NFE2L3: variants seen among roughly 807,000 people sequenced by gnomAD.
NFE2L3 encodes nuclear factor erythroid 2-related factor 3.
In NFE2L3, 18 loss-of-function variants were observed where a neutral mutation model predicts 23.5. That is an observed-to-expected ratio of 0.77 (90% confidence interval 0.53 to 1.13). The LOEUF is 1.13. Among genes scored for constraint, NFE2L3 ranks in the 50% most tolerant of loss-of-function variants. The pLI, the probability that NFE2L3 is intolerant of heterozygous loss-of-function variation, is 0.00. For missense variants in NFE2L3, 1,152 were observed against 877.2 expected (o/e 1.31, Z -3.96); for synonymous variants, 424 against 354.5 (o/e 1.20, Z -2.20).
At position 26,183,732 on chromosome 7, in the gene NFE2L3, CTCTGGAAGACTTATTCCAG is replaced by C; in HGVS notation, c.784_802del (p.Leu262CysfsTer28). 1 of 1,612,336 alleles carries C rather than the reference CTCTGGAAGACTTATTCCAG, an allele frequency of 6.2e-7. No individual in the cohort carries two copies. Among genetic ancestry groups the C allele is most frequent in the South Asian group, 1.1e-5 (1 of 91,056 alleles). On this transcript the variant is annotated frameshift_variant, in exon 3 of 4. Coordinates refer to ENST00000056233, the MANE Select transcript of NFE2L3 (RefSeq NM_004289.7). LOFTEE classifies it high-confidence loss of function. ...CTGAATGGGACAGATACTTCTTTCT[CTCTGGAAGACTTATTCCAG>C]TTGCTTTCATCACAGCCTGAAAATT... is the stretch of plus-strand genomic sequence containing the variant.
rs1334952410 is a variant in NFE2L3, at chr7:26,176,516, C to T, written c.571-1427C>T. Among the ~76,000 whole-genome samples the T allele has an allele frequency of 1.1e-4, 13 of 117,052 alleles. 1 individual carries two copies. The highest frequency in any genetic ancestry group is 1.8e-4 in the African/African-American group (5 of 27,442). The allele number at this position is 117,052 out of a possible 152,430, so 76.8% of individuals were successfully genotyped here. On this transcript the variant is annotated intron_variant, in intron 1 of 3. Transcript: ENST00000056233. The stretch of plus-strand genomic sequence containing the variant: ...CCTCACATCCCAGACGATGGGCAGC[C>T]GGGCAGAGGCGCTCCTCACATCCCA...
chr7:26,154,322 C>T (rs903683077), intron 1 of NFE2L3, among the ~76,000 whole-genome samples: 2 of 152,204 alleles, frequency 1.3e-5, no homozygotes, highest in African/African-American at 4.8e-5. Flanking sequence ...GCTCTGCCCT[C>T]TAATAAGTGA....
chr7:26,186,008 T>C lies in NFE2L3; in HGVS notation c.*225T>C, dbSNP rs1285245141. On this transcript the variant is annotated 3_prime_UTR_variant, in exon 4 of 4. Coordinates refer to ENST00000056233, the MANE Select transcript of NFE2L3 (RefSeq NM_004289.7). ...CCACAACTTTTCATGAAGTGCATTG[T>C]ATACAAAATTCATAGTTATGTCCAA... The C allele has an allele frequency of 4.9e-6, 2 of 407,500 alleles. No individual in the cohort carries two copies. Among genetic ancestry groups the C allele is most frequent in the African/African-American group, 4.1e-5 (2 of 48,696 alleles). 25.2% of individuals were successfully genotyped at this position (407,500 alleles called of 1,614,324 possible).
chr7:26,158,275 CT>C (rs1237725168), intron 1 of NFE2L3, among the ~76,000 whole-genome samples: 3 of 152,102 alleles, frequency 2.0e-5, no homozygotes, highest in Non-Finnish European at 4.4e-5. Context: ...CCAGATTTCC[CT>C]TTTTATAAGG....
intron 1 of NFE2L3, among the ~76,000 whole-genome samples, chr7:26,157,095 A>G (rs1312209058): frequency 6.6e-6 from 1 of 151,988 alleles, no homozygotes; most frequent in Non-Finnish European, 1.5e-5. Flanking sequence ...CTGGGTGACA[A>G]AGCGAGACTC....
intron 2 of NFE2L3, 63 bp from the exon 3 acceptor site, chr7:26,183,638 G>T (rs1782389203): frequency 9.1e-6 from 9 of 987,090 alleles, no homozygotes; most frequent in Non-Finnish European, 1.5e-5. Context: ...TAAAGATAAA[G>T]CCTAAAGCCC....
At chr7:26,164,536 C>T (rs1396628828) in intron 1 of NFE2L3, among the ~76,000 whole-genome samples, 2 of 152,004 alleles carry the variant, frequency 1.3e-5, no homozygotes, top group Admixed American at 6.5e-5. Flanking sequence ...TGTTTGAGTT[C>T]TTTGTAGATT....
intron 1 of NFE2L3, among the ~76,000 whole-genome samples, chr7:26,170,065 C>A (rs1251171249): frequency 6.6e-6 from 1 of 152,166 alleles, no homozygotes; most frequent in African/African-American, 2.4e-5. Context: ...TGTTGCCCAG[C>A]CTAATGGTTA....
rs1279014640 is a variant in NFE2L3 at position 26,185,920 on chromosome 7, T to C, written c.*137T>C. On this transcript the variant is annotated 3_prime_UTR_variant, in exon 4 of 4. Transcript: ENST00000056233. ...CTTGAATAACTCAGTTAACGCTGTTTTGAAGCTTACATGGACAAATGTTTA... is the reference window on the plus strand; with the variant it reads ...CTTGAATAACTCAGTTAACGCTGTTCTGAAGCTTACATGGACAAATGTTTA... The C allele has an allele frequency of 1.2e-5, 9 of 755,904 alleles. No individual in the cohort carries two copies. Among genetic ancestry groups the C allele is most frequent in the East Asian group, 5.6e-5 (2 of 35,816 alleles). 46.8% of individuals were successfully genotyped at this position (755,904 alleles called of 1,614,324 possible).
rs375341747 is a variant in NFE2L3 at position 26,154,856 on chromosome 7, G to A, written c.570+1788G>A. ...ATGGGTGGCCTAGACTGGCAGGCCT[G>A]CCTTGGAGGCATTTTTTGAGCCTAG... On this transcript the variant is annotated intron_variant, in intron 1 of 3. Transcript: ENST00000056233. 3.3e-5 allele frequency among the ~76,000 whole-genome samples: 5 copies of A among 152,324 alleles called. No individual in the cohort carries two copies. The East Asian group carries it at 5.8e-4, about 18-fold the overall frequency.
intron 1 of NFE2L3, among the ~76,000 whole-genome samples, chr7:26,175,532 C>T (rs1784388554): frequency 6.6e-6 from 1 of 152,006 alleles, no homozygotes; most frequent in Non-Finnish European, 1.5e-5. Flanking sequence ...AATCCCAGCA[C>T]TTTGGGAGGC....
At chr7:26,165,131 G>A (rs1344985595) in intron 1 of NFE2L3, among the ~76,000 whole-genome samples, 2 of 152,164 alleles carry the variant, frequency 1.3e-5, no homozygotes, top group East Asian at 1.9e-4. Flanking sequence ...TGGTAATGCG[G>A]GCTCTTTTTT....
Position 26,152,847 on chromosome 7 carries a change from G to A in NFE2L3, c.349G>A (p.Ala117Thr), listed in dbSNP as rs1159854366. ...SVDAWLVHSV[A>T]AGSADEAHGL... ...GGATGCATGGCTGGTGCACAGCGTGGCTGCCGGGAGCGCGGACGAGGCCCA... is the reference window on the plus strand; with the variant it reads ...GGATGCATGGCTGGTGCACAGCGTGACTGCCGGGAGCGCGGACGAGGCCCA... Residue 117 changes from alanine to threonine, a missense_variant, in exon 1 of 4, where the codon GCT becomes ACT. Transcript: ENST00000056233. This position sits in a 1 kb window ranked among gnomAD's most constrained non-coding sequence, Gnocchi z 4.4. The A allele has an allele frequency of 3.6e-5, 53 of 1,473,750 alleles. No individual in the cohort carries two copies. The highest frequency in any genetic ancestry group is 4.3e-5 in the Non-Finnish European group (48 of 1,120,212). 91.3% of individuals were successfully genotyped at this position (1,473,750 alleles called of 1,614,324 possible). A position where few individuals can be genotyped will look rare whatever the true frequency, so the allele number is the denominator to read the frequency against.
chr7:26,175,219 G>A (rs1254932599), intron 1 of NFE2L3, among the ~76,000 whole-genome samples: 1 of 151,458 alleles, frequency 6.6e-6, no homozygotes, highest in Non-Finnish European at 1.5e-5. Context: ...AAATAGCTGG[G>A]CGTGGTGGCA....
At chr7:26,177,558 G>C (rs1432601737) in intron 1 of NFE2L3, among the ~76,000 whole-genome samples, 1 of 152,224 alleles carries the variant, frequency 6.6e-6, no homozygotes, top group Non-Finnish European at 1.5e-5. Flanking sequence ...GATCACGGCA[G>C]TAGAGTCCAG....
rs747322088 is a variant in NFE2L3 at position 26,184,991 on chromosome 7, T to C, written c.1293T>C (p.Ser431=). The C allele has an allele frequency of 1.2e-6, 2 of 1,613,904 alleles. No individual in the cohort carries two copies. The highest frequency in any genetic ancestry group is 2.2e-5 in the East Asian group (1 of 44,884). ...TAGATTCAAGTCACAATAATACCTC[T>C]GTCATCAAGTCTAATTCCTCTCACT... ...LSLDSSHNNT[S]VIKSNSSHSV... is the part of the protein sequence containing the mutation. Residue 431 remains serine (S), a synonymous_variant, in exon 4 of 4, where the codon TCT becomes TCC. Coordinates refer to ENST00000056233, the MANE Select transcript of NFE2L3 (RefSeq NM_004289.7).
intron 3 of NFE2L3, 159 bp from the exon 4 acceptor site, chr7:26,184,374 T>C (rs965176709): frequency 3.1e-5 from 19 of 614,552 alleles, no homozygotes; most frequent in Non-Finnish European, 5.0e-5. Flanking sequence ...CATCTCGTAT[T>C]GTATTGCCTG....
chr7:26,168,000 C>A (rs1209378005), intron 1 of NFE2L3, among the ~76,000 whole-genome samples: 1 of 151,832 alleles, frequency 6.6e-6, no homozygotes, highest in Non-Finnish European at 1.5e-5. Flanking sequence ...TCTTTAGTGG[C>A]GATTTGTGAG....
In NFE2L3 at chr7:26,185,357, A is replaced by T; in HGVS notation, c.1659A>T (p.Glu553Asp). 5 of 1,614,114 alleles carry T rather than the reference A, an allele frequency of 3.1e-6. No homozygotes were observed. Among genetic ancestry groups the T allele is most frequent in the Non-Finnish European group, 4.2e-6 (5 of 1,179,998 alleles). The stretch of plus-strand genomic sequence containing the variant: ...TGCATATCCCTTTTTCTGTAGATGA[A>T]ATTGTCGGCATGCCTGTTGATTCTT... ...KALHIPFSVD[E>D]IVGMPVDSFN... is the part of the protein sequence containing the mutation. The change falls in exon 4 of 4, where the codon GAA becomes GAT. Residue 553 changes from glutamate (E) to aspartate (D), a missense_variant. Coordinates refer to ENST00000056233, the MANE Select transcript of NFE2L3 (RefSeq NM_004289.7).
Sources: gnomAD v4.1 joint callset for allele counts (sites outside exome capture counted in the v4.1 genomes callset) on GRCh38, gnomAD v4.1.1 for gene constraint, Gnocchi (gnomAD v3.1) non-coding constraint, MANE v1.5 for transcripts, NCBI Gene and HGNC (gene_info 2026-07-23, HGNC 2026-07-21) for gene names.